The following SORCS3 variants were observed in gnomAD, a reference collection of about 807,000 sequenced individuals.
SORCS3 encodes the protein VPS10 domain-containing receptor SorCS3.
SORCS3 carries 57 observed loss-of-function variants against 146.3 expected under a neutral mutation model. That is an observed-to-expected ratio of 0.39 (90% CI 0.31 to 0.49). The LOEUF (loss-of-function observed/expected upper bound fraction) is 0.49. Ranked by LOEUF, SORCS3 falls within the 20% of genes least tolerant of loss-of-function variation. The pLI, the probability that SORCS3 is intolerant of heterozygous loss-of-function variation, is 0.92. For synonymous variants in SORCS3, 653 were observed against 618.5 expected, an observed-to-expected ratio of 1.06 and a Z score of -0.83; for missense variants, 1,341 against 1,575.5, an observed-to-expected ratio of 0.85 and a Z score of 2.52.
At chr10:104,884,236 A>G (rs1479632075) in intron 2 of SORCS3, among the ~76,000 whole-genome samples, 1 of 152,156 alleles carries the variant, frequency 6.6e-6, no homozygotes, top group Non-Finnish European at 1.5e-5. Flanking sequence ...TTTAAAGGAG[A>G]GAGGAGACAT....
In SORCS3 at chr10:104,982,992, C is replaced by A. The variant is rs1453574042; in HGVS notation, c.954+5499C>A. ...GGTGGCCTGTGTCACCCCAAGCATG[C>A]TTTTTCTTTTCTTTTTTAATTTTTT... On this transcript the variant is annotated intron_variant, in intron 4 of 26. Transcript: ENST00000369701. Among the ~76,000 whole-genome samples the A allele has an allele frequency of 2.6e-5, 4 of 152,092 alleles. No individual in the cohort carries two copies. The East Asian group carries it at 7.7e-4, about 29-fold the overall frequency.
At chr10:104,837,151 G>T (rs113197598) in intron 1 of SORCS3, among the ~76,000 whole-genome samples, 1 of 152,054 alleles carries the variant, frequency 6.6e-6, no homozygotes, top group Non-Finnish European at 1.5e-5. Context: ...TGTGTCAGCC[G>T]TTGTGCTTGG....
At position 105,164,329 on chromosome 10, in the gene SORCS3, A is replaced by C. The variant is rs749161840; in HGVS notation, c.1759A>C (p.Thr587Pro). ...CAACATTGGCCCGGAGCTCTCATAT[A>C]CTGATATTGGTGTGTTCATCTCCTC... ...TGNIGPELSY[T>P]DIGVFISSDG... is the part of the protein sequence containing the mutation. Residue 587 changes from threonine to proline, a missense_variant, in exon 12 of 27, where the codon ACT becomes CCT. By Grantham distance (38) the Thr-to-Pro change is conservative. Coordinates refer to ENST00000369701, the MANE Select transcript of SORCS3 (RefSeq NM_014978.3). The C allele has an allele frequency of 6.2e-7, 1 of 1,613,660 alleles. No homozygotes were observed. Among genetic ancestry groups the C allele is most frequent in the Non-Finnish European group, 8.5e-7 (1 of 1,179,712 alleles).
At chr10:104,816,713 G>C (rs1160475869) in intron 1 of SORCS3, among the ~76,000 whole-genome samples, 1 of 152,168 alleles carries the variant, frequency 6.6e-6, no homozygotes, top group Non-Finnish European at 1.5e-5. Context: ...AGGGCTTGGA[G>C]GTCCCAGCTC....
chr10:104,771,493 A>G (rs2017249395), intron 1 of SORCS3, among the ~76,000 whole-genome samples: 1 of 152,066 alleles, frequency 6.6e-6, no homozygotes, highest in African/African-American at 2.4e-5. Flanking sequence ...TCTAATTTGA[A>G]TCTTGGCCAG....
chr10:105,040,114 T>C (rs1023180290), intron 4 of SORCS3, among the ~76,000 whole-genome samples: 10 of 152,180 alleles, frequency 6.6e-5, no homozygotes, highest in African/African-American at 2.4e-4. Context: ...GTCCCTCAGG[T>C]ACCTGTCATA....
chr10:105,242,390 T>TTATACATATATTTA (rs2056830578), intron 20 of SORCS3, among the ~76,000 whole-genome samples: 1 of 111,622 alleles, frequency 9.0e-6, no homozygotes, highest in African/African-American at 3.5e-5. Context: ...TTATATATAT[T>TTATACATATATTTA]TATATATTTA....
At position 104,965,112 on chromosome 10, in the gene SORCS3, A is replaced by C. The variant is rs2054819022; in HGVS notation, c.796-12223A>C. 2.0e-5 allele frequency among the ~76,000 whole-genome samples: 3 copies of C among 152,194 alleles called. No individual in the cohort carries two copies. The South Asian group carries it at 6.2e-4, about 31-fold the overall frequency. On this transcript the variant is annotated intron_variant, in intron 3 of 26. Coordinates refer to ENST00000369701, the MANE Select transcript of SORCS3 (RefSeq NM_014978.3). ...CCACATTTTGTTTATCCATTCATTCATTGATAGACACTTGGGTTGCTTTCA... is the reference window on the plus strand; with the variant it reads ...CCACATTTTGTTTATCCATTCATTCCTTGATAGACACTTGGGTTGCTTTCA...
intron 5 of SORCS3, among the ~76,000 whole-genome samples, chr10:105,054,351 A>G (rs1426316152): frequency 1.3e-5 from 2 of 151,908 alleles, no homozygotes; most frequent in Non-Finnish European, 1.5e-5. Flanking sequence ...TCATGTAAAT[A>G]CAAACTTTTT....
intron 5 of SORCS3, among the ~76,000 whole-genome samples, chr10:105,045,993 A>G (rs1372295058): frequency 1.3e-5 from 2 of 152,150 alleles, no homozygotes; most frequent in African/African-American, 2.4e-5. Context: ...TCAGCTGAAC[A>G]TTATTGTTCT....
At chr10:105,066,773 C>T (rs1293482841) in intron 5 of SORCS3, among the ~76,000 whole-genome samples, 1 of 152,020 alleles carries the variant, frequency 6.6e-6, no homozygotes, top group Non-Finnish European at 1.5e-5. Flanking sequence ...AGTCAGGCTC[C>T]TCCAAATCAT....
chr10:105,121,593 C>T (rs1272454005), intron 7 of SORCS3, among the ~76,000 whole-genome samples: 2 of 152,186 alleles, frequency 1.3e-5, no homozygotes, highest in Non-Finnish European at 2.9e-5. Context: ...GATGTTGCCC[C>T]CATCTTGGTA....
chr10:105,207,272 T>TTTA (rs6144063), intron 16 of SORCS3, among the ~76,000 whole-genome samples: 5,707 of 147,124 alleles, frequency 0.039, 242 homozygotes, highest in African/African-American at 0.1. Flanking sequence ...CATGCAGAGG[T>TTTA]TTATTATTAT....
At chr10:105,248,509 A>T (rs920680263) in intron 22 of SORCS3, among the ~76,000 whole-genome samples, 6 of 152,028 alleles carry the variant, frequency 3.9e-5, no homozygotes, top group African/African-American at 1.2e-4. Context: ...AGGTCAAGAG[A>T]TCGAGACCAT....
chr10:104,950,264 C>G (rs1377590761), intron 3 of SORCS3, among the ~76,000 whole-genome samples: 1 of 152,164 alleles, frequency 6.6e-6, no homozygotes, highest in Non-Finnish European at 1.5e-5. Context: ...CTGCCTATTG[C>G]CTGTTTGGAC....
intron 3 of SORCS3, among the ~76,000 whole-genome samples, chr10:104,918,021 G>T (rs2019050427): frequency 6.6e-6 from 1 of 152,118 alleles, no homozygotes; most frequent in Admixed American, 6.5e-5. Context: ...TTGTTCATAT[G>T]GTAGCTCTAT....
At chr10:105,179,872 C>T (rs1378731493) in intron 14 of SORCS3, among the ~76,000 whole-genome samples, 2 of 152,148 alleles carry the variant, frequency 1.3e-5, no homozygotes, top group Non-Finnish European at 2.9e-5. Context: ...GACAAGAATG[C>T]TTAGCTTTGC....
intron 1 of SORCS3, among the ~76,000 whole-genome samples, chr10:104,651,421 A>C (rs1362297675): frequency 6.6e-6 from 1 of 151,962 alleles, no homozygotes; most frequent in Non-Finnish European, 1.5e-5. Flanking sequence ...TTTTAACATA[A>C]GAATGTTAAT....
intron 4 of SORCS3, among the ~76,000 whole-genome samples, chr10:104,982,132 A>G (rs997410604): frequency 2.0e-5 from 3 of 152,116 alleles, no homozygotes; most frequent in Non-Finnish European, 2.9e-5. Flanking sequence ...GGATTGACAG[A>G]CTGGTTAAGC....
Sources: gnomAD v4.1 joint callset for allele counts (sites outside exome capture counted in the v4.1 genomes callset) on GRCh38, gnomAD v4.1.1 for gene constraint, MANE v1.5 for transcripts, NCBI Gene and HGNC (gene_info 2026-07-23, HGNC 2026-07-21) for gene names.